The following UBR2 variants were observed in gnomAD, a reference collection of about 807,000 sequenced individuals.
UBR2 encodes the protein ubiquitin protein ligase E3 component n-recognin 2.
Under a neutral mutation model 247.9 loss-of-function variants are expected in UBR2, and 92 were observed. That is an observed-to-expected ratio of 0.37 (90% confidence interval 0.31 to 0.44). UBR2 has a LOEUF of 0.44. Among genes scored for constraint, UBR2 ranks in the 20% least tolerant of loss-of-function variants. The probability of loss-of-function intolerance (pLI) is 1.00; values close to 1 mark genes in which losing one functional copy is unlikely to be tolerated. For synonymous variants in UBR2, 672 were observed against 693.5 expected (o/e 0.97, Z 0.49); for missense variants, 1,613 against 2,112.6 (o/e 0.76, Z 4.64).
At chr6:42,596,764 A>G (rs142312053) in intron 4 of UBR2, among the ~76,000 whole-genome samples, 16 of 152,334 alleles carry the variant, frequency 1.1e-4, no homozygotes, top group African/African-American at 3.6e-4. Flanking sequence ...TTTTATATGA[A>G]ATATTCAGAA....
In UBR2 at chr6:42,659,520, T is replaced by TATATAC. The variant is rs1404867350; in HGVS notation, c.3243-135_3243-134insTATACA. On this transcript the variant is annotated intron_variant, in intron 29 of 46. Transcript: ENST00000372901. The surrounding 1 kb of genome is among the most constrained non-coding windows in gnomAD (Gnocchi z 4.3). The stretch of plus-strand genomic sequence containing the variant: ...GTCTCAAAAAATAAATAAATATATA[T>TATATAC]ACACACACACACACACACACACACA... The TATATAC allele has an allele frequency of 6.0e-5, 30 of 503,080 alleles. No individual in the cohort carries two copies. Among genetic ancestry groups the TATATAC allele is most frequent in the African/African-American group, 5.8e-4 (28 of 48,098 alleles). The allele number at this position is 503,080 out of a possible 1,614,324, so 31.2% of individuals were successfully genotyped here.
chr6:42,573,402 G>A (rs1281663527), intron 1 of UBR2, among the ~76,000 whole-genome samples: 1 of 152,126 alleles, frequency 6.6e-6, no homozygotes, highest in African/African-American at 2.4e-5. Flanking sequence ...GCATTAGGAA[G>A]GACATTAGGT....
chr6:42,652,578 TG>T lies in UBR2; in HGVS notation c.2705del (p.Gly902GlufsTer26). 1 of 1,613,962 alleles carries T rather than the reference TG, an allele frequency of 6.2e-7. No homozygotes were observed. The highest frequency in any genetic ancestry group is 8.5e-7 in the Non-Finnish European group (1 of 1,180,002). On this transcript the variant is annotated frameshift_variant, in exon 25 of 47. Transcript: ENST00000372901. LOFTEE classifies it high-confidence loss of function. ...CAGTCAGATGTCATGTTGTGCATCA[TG>T]GGAACAATTCTGCAATGGGCTGTGG... The part of the protein sequence containing the change: ...ILQSDVMLCI[M>X]GTILQWAVEH...
chr6:42,678,633 T>C lies in UBR2; in HGVS notation c.4573T>C (p.Tyr1525His). 6.2e-7 allele frequency: 1 copy of C among 1,613,046 alleles called. No individual in the cohort carries two copies. The highest frequency in any genetic ancestry group is 1.1e-5 in the South Asian group (1 of 90,828). ...GAAGTGTTCTGCTTTATTTTTTCAT[T>C]ACTTAAATGGAGTTCCTTCCCCACC... The part of the protein sequence containing the change: ...FLKCSALFFH[Y>H]LNGVPSPPDI... Residue 1525 changes from tyrosine to histidine, a missense_variant, in exon 41 of 47, where the codon TAC (tyrosine) becomes CAC (histidine). By Grantham distance (83) the Tyr-to-His change is moderately conservative. Coordinates refer to ENST00000372901, the MANE Select transcript of UBR2 (RefSeq NM_001363705.2).
At chr6:42,660,837 C>T (rs890558110) in intron 30 of UBR2, among the ~76,000 whole-genome samples, 14 of 151,384 alleles carry the variant, frequency 9.2e-5, no homozygotes, top group African/African-American at 3.2e-4. Context: ...TTTGGTGGCA[C>T]GCGCCTGTAG....
chr6:42,689,478 C>A lies in UBR2; in HGVS notation c.5025-91C>A. ...TTCCTCCTAATAGTGGTTTAAATATCAGTACTATAAGACTTCATTCTATTT... is the reference window on the plus strand; with the variant it reads ...TTCCTCCTAATAGTGGTTTAAATATAAGTACTATAAGACTTCATTCTATTT... On this transcript the variant is annotated intron_variant, in intron 45 of 46. Transcript: ENST00000372901. This position sits in a 1 kb window ranked among gnomAD's most constrained non-coding sequence, Gnocchi z 4.0. 8.3e-7 allele frequency: 1 copy of A among 1,204,842 alleles called. No individual in the cohort carries two copies. Among genetic ancestry groups the A allele is most frequent in the Non-Finnish European group, 1.2e-6 (1 of 817,398 alleles). 74.6% of individuals were successfully genotyped at this position (1,204,842 alleles called of 1,614,324 possible).
chr6:42,625,058 C>T (rs1299458390), intron 11 of UBR2, among the ~76,000 whole-genome samples: 1 of 152,158 alleles, frequency 6.6e-6, no homozygotes, highest in East Asian at 1.9e-4. Context: ...CCAAGGACAG[C>T]TTGGAGGTTA....
At chr6:42,686,837 A>G (rs1341246755) in intron 44 of UBR2, among the ~76,000 whole-genome samples, 1 of 149,402 alleles carries the variant, frequency 6.7e-6, no homozygotes, top group African/African-American at 2.5e-5. Flanking sequence ...GGGGCTCCTC[A>G]CTTCTCAGAC....
intron 11 of UBR2, among the ~76,000 whole-genome samples, chr6:42,623,838 T>C (rs1364895585): frequency 6.6e-6 from 1 of 152,190 alleles, no homozygotes; most frequent in African/African-American, 2.4e-5. Context: ...GTGGTTTTTT[T>C]CTCCCTTTGT....
At chr6:42,681,442 T>C (rs1299211054) in intron 42 of UBR2, among the ~76,000 whole-genome samples, 9 of 151,886 alleles carry the variant, frequency 5.9e-5, no homozygotes, top group Non-Finnish European at 1.3e-4. Flanking sequence ...AAAAAATAGG[T>C]AAAGGGCTTA....
chr6:42,575,809 A>C (rs1045464636), intron 2 of UBR2, among the ~76,000 whole-genome samples: 1 of 152,154 alleles, frequency 6.6e-6, no homozygotes, highest in African/African-American at 2.4e-5. Flanking sequence ...CTTTTCCCCT[A>C]TGTGATCAAT....
intron 43 of UBR2, 83 bp downstream of exon 43, chr6:42,683,194 T>A: frequency 8.4e-7 from 1 of 1,184,256 alleles, no homozygotes; most frequent in Admixed American, 2.2e-5. Flanking sequence ...CTTCAGAAAC[T>A]GACTTCTCAA....
intron 44 of UBR2, among the ~76,000 whole-genome samples, 163 bp downstream of exon 44, chr6:42,685,034 C>G (rs995774038): frequency 2.0e-5 from 3 of 152,090 alleles, no homozygotes; most frequent in Non-Finnish European, 4.4e-5. Flanking sequence ...AGAAACTTGG[C>G]GAGGCACGGT....
At chr6:42,646,703 A>G (rs1018481092) in intron 21 of UBR2, among the ~76,000 whole-genome samples, 1 of 152,088 alleles carries the variant, frequency 6.6e-6, no homozygotes, top group African/African-American at 2.4e-5. Context: ...TCTGAATGTC[A>G]GTAGTGCTGA....
At chr6:42,657,556 T>C (rs1397899507) in intron 26 of UBR2, among the ~76,000 whole-genome samples, 7 of 152,176 alleles carry the variant, frequency 4.6e-5, no homozygotes, top group African/African-American at 1.4e-4. Flanking sequence ...TAATAGAAAA[T>C]ATGGACTTGA....
intron 8 of UBR2, 77 bp downstream of exon 8, chr6:42,612,368 A>G: frequency 7.5e-7 from 1 of 1,330,790 alleles, no homozygotes; most frequent in Middle Eastern, 2.1e-4. Context: ...TTTTGGGAAA[A>G]CTATCAACTG....
chr6:42,564,512 G>A, intron 1 of UBR2, 115 bp downstream of exon 1: 1 of 1,198,724 alleles, frequency 8.3e-7, no homozygotes, highest in Non-Finnish European at 1.2e-6. Flanking sequence ...AAACAGCTGT[G>A]CCGGCCCTCG....
rs774925925 is a variant in UBR2, at chr6:42,571,242, CAAAAAAAAAAAAAA to C, written c.79-2481_79-2468del. Among the ~76,000 whole-genome samples, 64 of 39,150 alleles carry C rather than the reference CAAAAAAAAAAAAAA, an allele frequency of 1.6e-3. No homozygotes were observed. The East Asian group carries it at 0.048, about 29-fold the overall frequency. 25.7% of individuals were successfully genotyped at this position (39,150 alleles called of 152,430 possible). A position where few individuals can be genotyped will look rare whatever the true frequency, so the allele number is the denominator to read the frequency against. ...TGGGTGACAGAGCAAGACTCCGTCTCAAAAAAAAAAAAAAAAAAAAAAAAGCATCCCTTCTAAAG... is the reference window on the plus strand; with the variant it reads ...TGGGTGACAGAGCAAGACTCCGTCTCAAAAAAAAAAGCATCCCTTCTAAAG... On this transcript the variant is annotated intron_variant, in intron 1 of 46. Coordinates refer to ENST00000372901, the MANE Select transcript of UBR2 (RefSeq NM_001363705.2).
chr6:42,666,281 C>T (rs1188704287), intron 34 of UBR2, 36 bp downstream of exon 34: 1 of 1,535,976 alleles, frequency 6.5e-7, no homozygotes, highest in Non-Finnish European at 8.9e-7. Context: ...ATATTTGACC[C>T]ATTTGAAATG....
Sources: allele counts gnomAD v4.1 joint callset (sites outside exome capture counted in the v4.1 genomes callset), GRCh38; gene constraint gnomAD v4.1.1; non-coding constraint Gnocchi (gnomAD v3.1); transcripts MANE v1.5; gene names NCBI Gene and HGNC (gene_info 2026-07-23, HGNC 2026-07-21).